Variants in NMNAT2 observed in about 807,000 individuals in gnomAD.
The protein encoded by NMNAT2 is nicotinamide/nicotinic acid mononucleotide adenylyltransferase 2.
In NMNAT2, 11 loss-of-function variants were observed where a neutral mutation model predicts 41.6. The observed-to-expected ratio is 0.26, with a 90% confidence interval of 0.17 to 0.44. NMNAT2 has a LOEUF of 0.44. Among genes scored for constraint, NMNAT2 ranks in the 20% least tolerant of loss-of-function variants. The pLI is 1.00. For missense variants in NMNAT2, 288 were observed against 407.7 expected, an observed-to-expected ratio of 0.71 and a Z score of 2.53; for synonymous variants, 148 against 151.2, an observed-to-expected ratio of 0.98 and a Z score of 0.16.
chr1:183,393,672 C>T (rs1440395704), intron 1 of NMNAT2, among the ~76,000 whole-genome samples: 1 of 152,210 alleles, frequency 6.6e-6, no homozygotes, highest in African/African-American at 2.4e-5. Context: ...TCGCCTGCCT[C>T]AGCCTCCCGA....
intron 5 of NMNAT2, among the ~76,000 whole-genome samples, chr1:183,285,872 G>T (rs1571573814): frequency 6.6e-6 from 1 of 152,268 alleles, no homozygotes; most frequent in East Asian, 1.9e-4. Context: ...TAGGTTTGGG[G>T]TATGTGTTGG....
chr1:183,341,194 C>T (rs1662792727), intron 1 of NMNAT2, among the ~76,000 whole-genome samples: 7 of 152,064 alleles, frequency 4.6e-5, no homozygotes, highest in African/African-American at 1.4e-4. Context: ...GTAGATTGAG[C>T]GCTGCGAGTC....
At position 183,341,725 on chromosome 1, in the gene NMNAT2, C is replaced by CAAAAAAAAAAAAAAAAAAA. The variant is rs762935303; in HGVS notation, c.86-47951_86-47933dup. On this transcript the variant is annotated intron_variant, in intron 1 of 10. Coordinates refer to ENST00000287713, the MANE Select transcript of NMNAT2 (RefSeq NM_015039.4). ...GAGGAAAAGACAAACAAACAAACAC[C>CAAAAAAAAAAAAAAAAAAA]AAAAAAAAAAAAAAAAAAAAAACCT... Among the ~76,000 whole-genome samples the CAAAAAAAAAAAAAAAAAAA allele has an allele frequency of 1.5e-3, 33 of 22,214 alleles. 3 individuals are homozygous for CAAAAAAAAAAAAAAAAAAA. The highest frequency in any genetic ancestry group is 7.9e-3 in the East Asian group (2 of 254). The allele number at this position is 22,214 out of a possible 152,430, so 14.6% of individuals were successfully genotyped here.
chr1:183,299,767 T>C (rs1661800331), intron 1 of NMNAT2, among the ~76,000 whole-genome samples: 1 of 152,056 alleles, frequency 6.6e-6, no homozygotes, highest in African/African-American at 2.4e-5. Flanking sequence ...TTGTGGGAGA[T>C]CTTTGTGGTA....
chr1:183,269,235 T>C (rs1319827238), intron 8 of NMNAT2, among the ~76,000 whole-genome samples: 3 of 152,152 alleles, frequency 2.0e-5, no homozygotes, highest in African/African-American at 7.2e-5. Flanking sequence ...ACAAAGACCC[T>C]GAGGTGGGGA....
In NMNAT2 at chr1:183,413,058, C is replaced by T. The variant is rs78384154; in HGVS notation, c.85+5125G>A. On this transcript the variant is annotated intron_variant, in intron 1 of 10. Coordinates refer to ENST00000287713, the MANE Select transcript of NMNAT2 (RefSeq NM_015039.4). ...TCCTGGCTGGCTCACTTGTATAATG[C>T]TAAAGAGAATTATGCATTAAATTTA... Among the ~76,000 whole-genome samples the T allele has an allele frequency of 1.0e-3, 153 of 152,146 alleles. 1 individual carries two copies. In the East Asian group the frequency reaches 0.024, roughly 23 times the overall value.
At position 183,287,255 on chromosome 1, in the gene NMNAT2, C is replaced by T. The variant is rs865859937; in HGVS notation, c.322-467G>A. On this transcript the variant is annotated intron_variant, in intron 4 of 10. Transcript: ENST00000287713. ...TGCCCTCCCCAAATGCTTCATGGGG[C>T]TCAAATGAGATCATGTCTGCAAAAG... 5.3e-5 allele frequency among the ~76,000 whole-genome samples: 8 copies of T among 152,210 alleles called. No homozygotes were observed. In the South Asian group the frequency reaches 1.2e-3, roughly 24 times the overall value.
At chr1:183,304,960 T>TCAG in intron 1 of NMNAT2, 1 of 1,142,476 alleles carries the variant, frequency 8.8e-7, no homozygotes, top group Non-Finnish European at 1.2e-6. Flanking sequence ...AGAGAACCTC[T>TCAG]CATATGCTCC....
At chr1:183,284,582 T>C (rs939281734) in intron 6 of NMNAT2, 128 bp downstream of exon 6, 2 of 798,304 alleles carry the variant, frequency 2.5e-6, no homozygotes, top group East Asian at 2.5e-5. Flanking sequence ...TGTGCACAAG[T>C]ACGCACACAC....
intron 1 of NMNAT2, among the ~76,000 whole-genome samples, chr1:183,334,682 G>C (rs1193774867): frequency 6.6e-6 from 1 of 151,788 alleles, no homozygotes; most frequent in Non-Finnish European, 1.5e-5. Flanking sequence ...GCTAATTTTT[G>C]TATTTTTAGT....
At chr1:183,257,553 C>T (rs1660550293) in intron 10 of NMNAT2, among the ~76,000 whole-genome samples, 1 of 152,214 alleles carries the variant, frequency 6.6e-6, no homozygotes, top group Non-Finnish European at 1.5e-5. Flanking sequence ...CTACTTCAAT[C>T]TATTTGTTAT....
intron 1 of NMNAT2, among the ~76,000 whole-genome samples, chr1:183,294,586 T>C (rs914800310): frequency 2.0e-5 from 3 of 151,664 alleles, no homozygotes; most frequent in African/African-American, 7.3e-5. Flanking sequence ...AGGTCAGGAG[T>C]TCAAGACCAG....
chr1:183,278,715 C>T, intron 7 of NMNAT2, 86 bp from the exon 8 acceptor site: 2 of 916,418 alleles, frequency 2.2e-6, no homozygotes, highest in East Asian at 2.5e-5. Flanking sequence ...CTGGTGAATA[C>T]ATAACTCTCC....
At chr1:183,304,308 G>A (rs1661941858) in intron 1 of NMNAT2, among the ~76,000 whole-genome samples, 1 of 152,204 alleles carries the variant, frequency 6.6e-6, no homozygotes, top group African/African-American at 2.4e-5. Flanking sequence ...GTAAGTAGAA[G>A]AAGGTAAGGC....
intron 1 of NMNAT2, among the ~76,000 whole-genome samples, chr1:183,406,081 A>G (rs1648947026): frequency 2.0e-5 from 3 of 152,232 alleles, no homozygotes; most frequent in Admixed American, 2.0e-4. Flanking sequence ...TTCATTTAGA[A>G]AAAGAGAGAG....
chr1:183,354,097 AC>A (rs1285868199), intron 1 of NMNAT2, among the ~76,000 whole-genome samples: 1 of 152,064 alleles, frequency 6.6e-6, no homozygotes, highest in East Asian at 1.9e-4. Context: ...CTTTTTCCCC[AC>A]CATGTTTGTC....
At chr1:183,328,088 G>C (rs993565367) in intron 1 of NMNAT2, among the ~76,000 whole-genome samples, 1 of 152,176 alleles carries the variant, frequency 6.6e-6, no homozygotes, top group African/African-American at 2.4e-5. Context: ...GAGAATAGGG[G>C]TCATGGGAGG....
chr1:183,364,868 T>C (rs1204013000), intron 1 of NMNAT2, among the ~76,000 whole-genome samples: 1 of 151,984 alleles, frequency 6.6e-6, no homozygotes, highest in African/African-American at 2.4e-5. Context: ...ATTTTTTGTG[T>C]TTTTAGTAGA....
chr1:183,380,398 T>C (rs1663779617), intron 1 of NMNAT2, among the ~76,000 whole-genome samples: 1 of 152,222 alleles, frequency 6.6e-6, no homozygotes, highest in Admixed American at 6.5e-5. Flanking sequence ...GAGGCATGAT[T>C]TGCATGCAAT....
Sources: allele counts gnomAD v4.1 joint callset (sites outside exome capture counted in the v4.1 genomes callset), GRCh38; gene constraint gnomAD v4.1.1; transcripts MANE v1.5; gene names NCBI Gene and HGNC (gene_info 2026-07-23, HGNC 2026-07-21).